USP28: variants seen among roughly 807,000 people sequenced by gnomAD.
USP28 encodes ubiquitin carboxyl-terminal hydrolase 28.
In USP28, 113 loss-of-function variants were observed where a neutral mutation model predicts 145.0. That is an observed-to-expected ratio of 0.78 (90% CI 0.67 to 0.91). The LOEUF is 0.91. USP28 is among the 40% of genes least tolerant of loss of function. The pLI is 0.00. For missense variants in USP28, 1,201 were observed against 1,289.6 expected (o/e 0.93, Z 1.05); for synonymous variants, 447 against 450.9 (o/e 0.99, Z 0.11).
At chr11:113,851,364 A>G (rs1315364762) in intron 3 of USP28, among the ~76,000 whole-genome samples, 1 of 152,204 alleles carries the variant, frequency 6.6e-6, no homozygotes, top group Non-Finnish European at 1.5e-5. Context: ...TTCTCTTTCC[A>G]TGGCCCCATC....
At chr11:113,865,635 G>C (rs1488930477) in intron 1 of USP28, among the ~76,000 whole-genome samples, 1 of 152,082 alleles carries the variant, frequency 6.6e-6, no homozygotes, top group African/African-American at 2.4e-5. Flanking sequence ...GGTACAACTG[G>C]ATATCCACAG....
rs149871464 is a variant in USP28, at chr11:113,862,740, A to G, written c.58-8405T>C. 7.7e-3 allele frequency among the ~76,000 whole-genome samples: 1,166 copies of G among 152,296 alleles called. 15 individuals are homozygous for G. Among genetic ancestry groups the G allele is most frequent in the African/African-American group, 0.027 (1,126 of 41,552 alleles). On this transcript the variant is annotated intron_variant, in intron 1 of 24. Transcript: ENST00000003302. ...TGCCATTGCCAATAACATAAAAGGA[A>G]ACCAAACAATGTGATATACCACACC...
At chr11:113,812,171 T>C in intron 16 of USP28, 105 bp downstream of exon 16, 4 of 703,124 alleles carry the variant, frequency 5.7e-6, no homozygotes, top group Non-Finnish European at 9.1e-6. Flanking sequence ...TCTATTATTA[T>C]ATAATAGTAA....
chr11:113,829,293 G>A lies in USP28; in HGVS notation c.963C>T (p.Asn321=), dbSNP rs567954190. The A allele has an allele frequency of 2.2e-5, 36 of 1,613,972 alleles. 2 individuals carry two copies. Among genetic ancestry groups the A allele is most frequent in the South Asian group, 7.7e-5 (7 of 91,064 alleles). The change falls in exon 10 of 25, where the codon AAC becomes AAT. Residue 321 remains asparagine, a synonymous_variant. Transcript: ENST00000003302. ...AACACTCGTCTAAGTTGCGATAACC[G>A]TTTACCTGAAGAGGATACTGGCCGA...
chr11:113,829,185 T>C lies in USP28; in HGVS notation c.1059+12A>G. Reference sequence around the variant, plus strand: ...TTGTCACTGGCACAGCAAATAAAGATCTCCAACGTACCTCTTGTCCATACT... The same window carrying C: ...TTGTCACTGGCACAGCAAATAAAGACCTCCAACGTACCTCTTGTCCATACT... On this transcript the variant is annotated intron_variant, in intron 10 of 24. Transcript: ENST00000003302. 1 of 1,611,614 alleles carries C rather than the reference T, an allele frequency of 6.2e-7. No individual in the cohort carries two copies. Among genetic ancestry groups the C allele is most frequent in the Non-Finnish European group, 8.5e-7 (1 of 1,179,092 alleles).
Position 113,810,808 on chromosome 11 carries a change from G to A in USP28, c.1972+1468C>T, listed in dbSNP as rs538661708. Among the ~76,000 whole-genome samples, 8 of 152,322 alleles carry A rather than the reference G, an allele frequency of 5.3e-5. No homozygotes were observed. In the South Asian group the frequency reaches 1.4e-3, roughly 28 times the overall value. On this transcript the variant is annotated intron_variant, in intron 16 of 24. Coordinates refer to ENST00000003302, the Ensembl canonical transcript of USP28. ...TCCTGCCTCAGCCTCCCAAGTAGGT[G>A]GGATTACAGGTGTGTGCCACCATGC...
At chr11:113,799,635 G>A (rs1046608089) in intron 24 of USP28, among the ~76,000 whole-genome samples, 1 of 152,094 alleles carries the variant, frequency 6.6e-6, no homozygotes, top group Non-Finnish European at 1.5e-5. Flanking sequence ...ACTTTATTAC[G>A]AAAGGGTCTT....
intron 1 of USP28, among the ~76,000 whole-genome samples, chr11:113,858,574 T>C (rs1420235994): frequency 6.6e-6 from 1 of 152,216 alleles, no homozygotes; most frequent in East Asian, 1.9e-4. Flanking sequence ...CTGTCTTCAC[T>C]TGATATTCCT....
intron 16 of USP28, among the ~76,000 whole-genome samples, chr11:113,811,297 T>C (rs1285448966): frequency 6.6e-6 from 1 of 152,224 alleles, no homozygotes; most frequent in African/African-American, 2.4e-5. Flanking sequence ...TTTGAAAGCA[T>C]GCTTTAAGAA....
intron 1 of USP28, among the ~76,000 whole-genome samples, chr11:113,865,504 T>C (rs1004506887): frequency 5.3e-5 from 8 of 152,192 alleles, no homozygotes; most frequent in Admixed American, 4.6e-4. Flanking sequence ...GACAGATATA[T>C]AGACCAACAG....
chr11:113,814,007 T>C, intron 14 of USP28, 52 bp from the exon 15 acceptor site: 2 of 1,361,646 alleles, frequency 1.5e-6, no homozygotes, highest in Non-Finnish European at 2.0e-6. Flanking sequence ...TCATTCTATG[T>C]CACACAGGCT....
In USP28 at chr11:113,854,476, A is replaced by T. The variant is rs1476077988; in HGVS notation, c.58-141T>A. The T allele has an allele frequency of 1.2e-5, 8 of 677,450 alleles. No homozygotes were observed. The Admixed American group carries it at 2.3e-4, about 20-fold the overall frequency. The allele number at this position is 677,450 out of a possible 1,614,324, so 42.0% of individuals were successfully genotyped here. On this transcript the variant is annotated intron_variant, in intron 1 of 24. Transcript: ENST00000003302. ...GAGTGCAGTGGCCGGATCTCGGCTC[A>T]CTGCAACCTCCGCCTCCCAGGTTCA...
intron 12 of USP28, 114 bp from the exon 13 acceptor site, chr11:113,817,951 G>C (rs1941999401): frequency 8.9e-7 from 1 of 1,125,856 alleles, no homozygotes; most frequent in African/African-American, 1.6e-5. Context: ...ATTCCTAGAG[G>C]CTATACAATA....
rs559054216 is a variant in USP28 at position 113,816,498 on chromosome 11, T to A, written c.1464-1116A>T. Among the ~76,000 whole-genome samples the A allele has an allele frequency of 1.6e-3, 248 of 151,902 alleles. 1 individual carries two copies. The highest frequency in any genetic ancestry group is 3.0e-3 in the Non-Finnish European group (203 of 67,960). ...ACTGTACTCCAGCCTGGCGACAGAGTGAGACTCCATCTCAAAAAAACAAAC... is the reference window on the plus strand; with the variant it reads ...ACTGTACTCCAGCCTGGCGACAGAGAGAGACTCCATCTCAAAAAAACAAAC... On this transcript the variant is annotated intron_variant, in intron 13 of 24. Coordinates refer to ENST00000003302, the Ensembl canonical transcript of USP28.
intron 15 of USP28, among the ~76,000 whole-genome samples, chr11:113,813,538 G>A (rs1941300460): frequency 3.3e-5 from 5 of 152,184 alleles, no homozygotes; most frequent in African/African-American, 9.7e-5. Context: ...GGAACTTTGG[G>A]AAAGAAAGGA....
intron 3 of USP28, among the ~76,000 whole-genome samples, chr11:113,851,048 C>T (rs996179542): frequency 6.6e-6 from 1 of 152,118 alleles, no homozygotes; most frequent in Admixed American, 6.6e-5. Flanking sequence ...TCACCTTTAA[C>T]TCCTCTCTCT....
At chr11:113,873,117 T>C (rs45595733) in intron 1 of USP28, among the ~76,000 whole-genome samples, 2 of 152,250 alleles carry the variant, frequency 1.3e-5, no homozygotes, top group East Asian at 1.9e-4. Context: ...AAGGGAAAGG[T>C]AGAATGCCTC....
At chr11:113,836,291 G>T (rs1944564486) in intron 5 of USP28, among the ~76,000 whole-genome samples, 1 of 152,018 alleles carries the variant, frequency 6.6e-6, no homozygotes, top group Admixed American at 6.6e-5. Flanking sequence ...TAAGTAACAA[G>T]TCCCTTGGCC....
intron 14 of USP28, among the ~76,000 whole-genome samples, chr11:113,814,886 TAA>T (rs11330248): frequency 1.1e-3 from 158 of 139,738 alleles, no homozygotes; most frequent in African/African-American, 1.2e-3. Flanking sequence ...CCATCTCTAC[TAA>T]AAAAAAAAAA....
Sources: allele counts gnomAD v4.1 joint callset (sites outside exome capture counted in the v4.1 genomes callset), GRCh38; gene constraint gnomAD v4.1.1; transcripts MANE v1.5; gene names NCBI Gene and HGNC (gene_info 2026-07-23, HGNC 2026-07-21).